The following UBN2 variants were observed in gnomAD, a reference collection of about 807,000 sequenced individuals.
UBN2 encodes ubinuclein-2.
UBN2 carries 35 observed loss-of-function variants against 120.2 expected under a neutral mutation model. The observed-to-expected ratio is 0.29, with a 90% CI of 0.22 to 0.39. UBN2 has a LOEUF of 0.39. Among genes scored for constraint, UBN2 ranks in the 10% least tolerant of loss-of-function variants. The pLI is 1.00. For synonymous variants in UBN2, 661 were observed against 648.7 expected, an observed-to-expected ratio of 1.02 and a Z score of -0.29; for missense variants, 1,693 against 1,663.2, an observed-to-expected ratio of 1.02 and a Z score of -0.31.
intron 15 of UBN2, among the ~76,000 whole-genome samples, chr7:139,288,272 T>C (rs1481044430): frequency 1.3e-5 from 2 of 152,110 alleles, no homozygotes; most frequent in African/African-American, 4.8e-5. Context: ...GAAAAAATTG[T>C]AGGATAATAT....
rs1303382905 is a variant in UBN2 at position 139,231,237 on chromosome 7, CT to C, written c.-247del. On this transcript the variant is annotated 5_prime_UTR_variant, in exon 1 of 18. Transcript: ENST00000473989. ...TGTGCGCATGCGCCCGCTCAGCGGC[CT>C]GCTTCTATTTATGTGGGGGATCCAA... is the stretch of plus-strand genomic sequence containing the variant. Among the ~76,000 whole-genome samples, 1 of 152,222 alleles carries C rather than the reference CT, an allele frequency of 6.6e-6. No individual in the cohort carries two copies. The highest frequency in any genetic ancestry group is 1.5e-5 in the Non-Finnish European group (1 of 68,044).
At chr7:139,309,721 A>G (rs1429346020), downstream of UBN2, among the ~76,000 whole-genome samples, 1 of 152,178 alleles carries the variant, frequency 6.6e-6, no homozygotes, top group Non-Finnish European at 1.5e-5. Flanking sequence ...AAAATACAAA[A>G]TTAGCTGGGC....
At chr7:139,321,459 C>A in the UBN2 span, among the ~76,000 whole-genome samples, 1 of 152,146 alleles carries the variant, frequency 6.6e-6, no homozygotes, top group South Asian at 2.1e-4. Flanking sequence ...GGTGGCTAGC[C>A]CCTGGAGATG....
At chr7:139,309,303 A>G (rs966105347), downstream of UBN2, among the ~76,000 whole-genome samples, 2 of 152,194 alleles carry the variant, frequency 1.3e-5, no homozygotes, top group Non-Finnish European at 2.9e-5. Flanking sequence ...GTGTGTTGTC[A>G]TGAAGATGAA....
downstream of UBN2, among the ~76,000 whole-genome samples, chr7:139,308,443 A>C (rs927896718): frequency 4.6e-5 from 7 of 152,182 alleles, no homozygotes; most frequent in African/African-American, 1.4e-4. Context: ...TCACAAAGCT[A>C]CATTTTGGTC....
chr7:139,244,382 A>G (rs570045303), intron 2 of UBN2, among the ~76,000 whole-genome samples: 2 of 152,278 alleles, frequency 1.3e-5, no homozygotes, highest in East Asian at 3.9e-4. Flanking sequence ...AAATTTTTTT[A>G]AGAGCCTAGT....
At chr7:139,266,239 A>G (rs975159292) in intron 6 of UBN2, 94 bp from the exon 7 acceptor site, 25 of 819,636 alleles carry the variant, frequency 3.1e-5, no homozygotes, top group African/African-American at 1.1e-4. Context: ...AAAAAAAAAA[A>G]AAAAAAGAAA....
chr7:139,252,504 A>G (rs1796649698), intron 3 of UBN2, among the ~76,000 whole-genome samples: 1 of 152,176 alleles, frequency 6.6e-6, no homozygotes, highest in African/African-American at 2.4e-5. Flanking sequence ...GTGTGTTGTG[A>G]AATATTAATT....
At chr7:139,322,838 G>A in the UBN2 span, among the ~76,000 whole-genome samples, 15 of 151,880 alleles carry the variant, frequency 9.9e-5, no homozygotes, top group Non-Finnish European at 2.1e-4. Flanking sequence ...ACGCCAGGCT[G>A]GACTTTTTTA....
the UBN2 span, among the ~76,000 whole-genome samples, chr7:139,321,769 G>C: frequency 1.1e-4 from 16 of 152,268 alleles, no homozygotes; most frequent in Non-Finnish European, 2.4e-4. Flanking sequence ...TCAACTCATG[G>C]AGTGAAACCT....
chr7:139,284,889 C>G (rs752425874), intron 15 of UBN2, among the ~76,000 whole-genome samples: 8 of 152,086 alleles, frequency 5.3e-5, no homozygotes, highest in African/African-American at 1.9e-4. Flanking sequence ...CAAAACAAAA[C>G]TAAAATGGCT....
intron 4 of UBN2, among the ~76,000 whole-genome samples, 168 bp from the exon 5 acceptor site, chr7:139,259,099 C>T (rs1368120052): frequency 1.3e-5 from 2 of 152,142 alleles, no homozygotes; most frequent in East Asian, 3.9e-4. Flanking sequence ...ATAACTGAAT[C>T]GAAACCGGAG....
In UBN2 at chr7:139,302,151, T is replaced by C. The variant is rs1798274304; in HGVS notation, c.*4315T>C. 1 of 152,354 alleles carries C rather than the reference T, an allele frequency of 6.6e-6. No individual in the cohort carries two copies. The highest frequency in any genetic ancestry group is 6.5e-5 in the Admixed American group (1 of 15,298). The allele number at this position is 152,354 out of a possible 1,614,324, so 9.4% of individuals were successfully genotyped here. A position where few individuals can be genotyped will look rare whatever the true frequency, so the allele number is the denominator to read the frequency against. On this transcript the variant is annotated 3_prime_UTR_variant, in exon 18 of 18. Transcript: ENST00000473989. Reference sequence around the variant, plus strand: ...CACATTATCTTAAAGTACAGACTGATAAGTCAGGGGATTCAGGAGGAAGAA... The same window carrying C: ...CACATTATCTTAAAGTACAGACTGACAAGTCAGGGGATTCAGGAGGAAGAA...
chr7:139,315,209 T>C, the UBN2 span: 2 of 150,964 alleles, frequency 1.3e-5, no homozygotes, highest in African/African-American at 4.9e-5. Flanking sequence ...TCTCCTGACC[T>C]CGTGATCCAC....
chr7:139,276,306 T>C lies in UBN2; in HGVS notation c.2024+159T>C. On this transcript the variant is annotated intron_variant, in intron 12 of 17. Coordinates refer to ENST00000473989, the MANE Select transcript of UBN2 (RefSeq NM_173569.4). ...AGAACACATTTATCTATTGAAATAA[T>C]TGTCAGGGTACTCTCTAAACACCTA... is the stretch of plus-strand genomic sequence containing the variant. 4.2e-6 allele frequency: 3 copies of C among 709,088 alleles called. No homozygotes were observed. In the South Asian group the frequency reaches 5.0e-5, roughly 12 times the overall value. 43.9% of individuals were successfully genotyped at this position (709,088 alleles called of 1,614,324 possible).
intron 2 of UBN2, among the ~76,000 whole-genome samples, chr7:139,247,824 C>T (rs537479254): frequency 6.6e-6 from 1 of 152,234 alleles, no homozygotes; most frequent in South Asian, 2.1e-4. Flanking sequence ...CAGTTACTTC[C>T]TTGTGCTGAT....
At chr7:139,316,077 C>CAAAAAAAAAA in the UBN2 span, among the ~76,000 whole-genome samples, 25 of 14,180 alleles carry the variant, frequency 1.8e-3, 7 homozygotes, top group African/African-American at 3.7e-3. Flanking sequence ...GACTTCGTCT[C>CAAAAAAAAAA]AAAAAAAAAA....
chr7:139,232,980 A>G (rs894150614), intron 1 of UBN2, among the ~76,000 whole-genome samples: 2 of 152,164 alleles, frequency 1.3e-5, no homozygotes, highest in Non-Finnish European at 2.9e-5. Flanking sequence ...TTGCTTAGCA[A>G]TTATACCCGT....
chr7:139,312,724 A>G (rs1268194825), downstream of UBN2, among the ~76,000 whole-genome samples: 4 of 152,198 alleles, frequency 2.6e-5, no homozygotes, highest in Non-Finnish European at 5.9e-5. Flanking sequence ...ATATTTCCCT[A>G]GCCCTACACC....
Sources: gnomAD v4.1 joint callset for allele counts (sites outside exome capture counted in the v4.1 genomes callset) on GRCh38, gnomAD v4.1.1 for gene constraint, MANE v1.5 for transcripts, NCBI Gene and HGNC (gene_info 2026-07-23, HGNC 2026-07-21) for gene names.